The following ASPRV1 variants were observed in gnomAD, a reference collection of about 807,000 sequenced individuals.
ASPRV1 encodes the protein aspartic peptidase retroviral like 1, also known as retroviral-like aspartic protease 1.
Under a neutral mutation model 11.0 loss-of-function variants are expected in ASPRV1, and 7 were observed. The observed-to-expected ratio is 0.64, with a 90% CI of 0.36 to 1.20. The LOEUF (loss-of-function observed/expected upper bound fraction) is 1.20. Ranked by LOEUF, ASPRV1 falls within the 50% of genes most tolerant of loss-of-function variation. The probability of loss-of-function intolerance (pLI) is 0.02; values close to 1 mark genes in which losing one functional copy is unlikely to be tolerated. For missense variants in ASPRV1, 299 were observed against 320.0 expected (o/e 0.93, Z 0.50); for synonymous variants, 136 against 138.4 (o/e 0.98, Z 0.12).
the ASPRV1 span, among the ~76,000 whole-genome samples, chr2:70,055,191 T>A: frequency 6.6e-6 from 1 of 151,990 alleles, no homozygotes; most frequent in Non-Finnish European, 1.5e-5. Context: ...TAATCCCAGC[T>A]ACTCAGGAGG....
chr2:69,947,281 T>C, the ASPRV1 span, among the ~76,000 whole-genome samples: 2,163 of 152,326 alleles, frequency 0.014, 102 homozygotes, highest in Admixed American at 0.094. Context: ...AACCTGGCCC[T>C]GCTTTCTTGT....
upstream of ASPRV1, among the ~76,000 whole-genome samples, chr2:69,965,433 G>A (rs1359410150): frequency 6.6e-6 from 1 of 151,830 alleles, no homozygotes; most frequent in Non-Finnish European, 1.5e-5. Flanking sequence ...ACTAACGATA[G>A]CTGGTGGGCT....
the ASPRV1 span, among the ~76,000 whole-genome samples, chr2:69,984,726 T>C: frequency 1.1e-4 from 16 of 150,976 alleles, no homozygotes; most frequent in Non-Finnish European, 1.9e-4. Flanking sequence ...GTTCAAGCGA[T>C]TCTCCTGCCT....
the ASPRV1 span, chr2:69,942,026 T>G: frequency 1.3e-5 from 2 of 152,188 alleles, no homozygotes; most frequent in East Asian, 3.8e-4. Flanking sequence ...GACTTTAACA[T>G]CCTGGTCTTT....
At chr2:70,036,083 A>C in the ASPRV1 span, among the ~76,000 whole-genome samples, 1 of 151,792 alleles carries the variant, frequency 6.6e-6, no homozygotes, top group East Asian at 2.0e-4. Flanking sequence ...TTCATTTCTC[A>C]TTTCTCCACT....
At chr2:69,983,420 G>A in the ASPRV1 span, among the ~76,000 whole-genome samples, 3 of 152,202 alleles carry the variant, frequency 2.0e-5, no homozygotes, top group Non-Finnish European at 2.9e-5. Context: ...CTAGGGCATA[G>A]GGAATTCTGT....
chr2:70,069,434 A>G, the ASPRV1 span: 133 of 152,332 alleles, frequency 8.7e-4, no homozygotes, highest in African/African-American at 3.1e-3. Flanking sequence ...AAGCCTTCGG[A>G]TGCCATTTAT....
the ASPRV1 span, among the ~76,000 whole-genome samples, chr2:70,070,968 CCA>C: frequency 2.0e-5 from 3 of 152,090 alleles, no homozygotes; most frequent in South Asian, 4.1e-4. Context: ...GCCCTGTACA[CCA>C]CAGTCCCTGG....
chr2:70,011,684 G>C, the ASPRV1 span: 1 of 152,376 alleles, frequency 6.6e-6, no homozygotes, highest in Non-Finnish European at 1.5e-5. Flanking sequence ...AAAGGTCTCA[G>C]GTGGAACCAC....
the ASPRV1 span, among the ~76,000 whole-genome samples, chr2:70,000,788 C>CAAAAAAAAAAAAAA: frequency 9.5e-5 from 4 of 42,038 alleles, no homozygotes; most frequent in East Asian, 7.0e-4. Context: ...GACCCTGCCT[C>CAAAAAAAAAAAAAA]AAAAAAAAAA....
chr2:69,957,886 T>A (rs1041259726), downstream of ASPRV1, among the ~76,000 whole-genome samples: 3 of 152,152 alleles, frequency 2.0e-5, no homozygotes, highest in African/African-American at 7.2e-5. Context: ...CTCCTTTCCA[T>A]CATTGCAAAA....
chr2:69,963,014 G>A, upstream of ASPRV1: 2 of 326,750 alleles, frequency 6.1e-6, no homozygotes, highest in Middle Eastern at 1.1e-3. Flanking sequence ...CTGGCCAAGA[G>A]CCTGTCCCTC....
the ASPRV1 span, among the ~76,000 whole-genome samples, chr2:69,989,813 C>A: frequency 2.0e-5 from 3 of 152,226 alleles, no homozygotes; most frequent in Non-Finnish European, 4.4e-5. Flanking sequence ...CTATGCTGGG[C>A]TGTGACTTCT....
At chr2:70,002,034 A>G in the ASPRV1 span, among the ~76,000 whole-genome samples, 1 of 152,246 alleles carries the variant, frequency 6.6e-6, no homozygotes, top group African/African-American at 2.4e-5. Flanking sequence ...AATATCTTAA[A>G]GGATATAACC....
the ASPRV1 span, among the ~76,000 whole-genome samples, chr2:70,003,646 C>T: frequency 5.9e-5 from 9 of 152,324 alleles, no homozygotes; most frequent in South Asian, 6.2e-4. Flanking sequence ...AGCAGCCCAC[C>T]AAGGGCCTTG....
chr2:69,959,713 C>T (rs1294631678), downstream of ASPRV1, among the ~76,000 whole-genome samples: 1 of 152,198 alleles, frequency 6.6e-6, no homozygotes, highest in Non-Finnish European at 1.5e-5. Flanking sequence ...CGCTCCTGGA[C>T]AGCTGTAAGA....
chr2:69,942,120 C>A, the ASPRV1 span: 4 of 152,190 alleles, frequency 2.6e-5, no homozygotes, highest in African/African-American at 9.7e-5. Flanking sequence ...AAAGGCTAAA[C>A]GCAATTTCTT....
the ASPRV1 span, among the ~76,000 whole-genome samples, chr2:69,937,678 G>C: frequency 7.9e-5 from 12 of 152,150 alleles, no homozygotes; most frequent in Admixed American, 7.9e-4. Flanking sequence ...GCAGTGGTGT[G>C]ATCTTGGCTC....
the ASPRV1 span, among the ~76,000 whole-genome samples, chr2:69,991,061 C>A: frequency 6.6e-6 from 1 of 152,192 alleles, no homozygotes; most frequent in Non-Finnish European, 1.5e-5. Context: ...TCTTTGGTGG[C>A]TTTTCAGCTA....
Sources: gnomAD v4.1 joint callset for allele counts (sites outside exome capture counted in the v4.1 genomes callset) on GRCh38, gnomAD v4.1.1 for gene constraint, MANE v1.5 for transcripts, NCBI Gene and HGNC (gene_info 2026-07-23, HGNC 2026-07-21) for gene names.